Variants in TRAPPC9 observed in about 807,000 individuals in gnomAD.
The protein encoded by TRAPPC9 is trafficking protein particle complex subunit 9.
A neutral mutation model predicts 124.0 loss-of-function variants in TRAPPC9; 83 were observed. That is an observed-to-expected ratio of 0.67 (90% confidence interval 0.56 to 0.80). The LOEUF (loss-of-function observed/expected upper bound fraction) is 0.80. Among genes scored for constraint, TRAPPC9 ranks in the 30% least tolerant of loss-of-function variants. The pLI, the probability that TRAPPC9 is intolerant of heterozygous loss-of-function variation, is 0.00. For missense variants in TRAPPC9, 1,302 were observed against 1,508.3 expected (o/e 0.86, Z 2.27); for synonymous variants, 638 against 617.5 (o/e 1.03, Z -0.49).
At chr8:139,804,272 AACC>A (rs1202484720) in intron 21 of TRAPPC9, among the ~76,000 whole-genome samples, 10 of 72,810 alleles carry the variant, frequency 1.4e-4, no homozygotes, top group Non-Finnish European at 2.2e-4. Flanking sequence ...CCACACACAC[AACC>A]ACCACCACCC....
chr8:140,085,442 T>C (rs1052497439), intron 17 of TRAPPC9, among the ~76,000 whole-genome samples: 2 of 151,972 alleles, frequency 1.3e-5, no homozygotes, highest in African/African-American at 4.8e-5. Context: ...TCTTTAAATA[T>C]AAACCATCCT....
chr8:140,339,570 A>C (rs1228312917), intron 9 of TRAPPC9, among the ~76,000 whole-genome samples: 1 of 152,006 alleles, frequency 6.6e-6, no homozygotes, highest in Non-Finnish European at 1.5e-5. Context: ...TCACCTCCCA[A>C]CTCCTCATCT....
intron 19 of TRAPPC9, among the ~76,000 whole-genome samples, chr8:139,919,854 G>C (rs1832399851): frequency 6.6e-6 from 1 of 152,190 alleles, no homozygotes; most frequent in Non-Finnish European, 1.5e-5. Flanking sequence ...CGGTCTCCAT[G>C]CTCCCTGGTT....
At chr8:140,205,688 T>A (rs1303046269) in intron 17 of TRAPPC9, among the ~76,000 whole-genome samples, 1 of 152,198 alleles carries the variant, frequency 6.6e-6, no homozygotes, top group Non-Finnish European at 1.5e-5. Context: ...CTCTTAAATG[T>A]AGCTCAGCTG....
chr8:140,452,149 A>G (rs1452685003), intron 1 of TRAPPC9, among the ~76,000 whole-genome samples: 5 of 150,142 alleles, frequency 3.3e-5, no homozygotes, highest in Non-Finnish European at 5.9e-5. Context: ...GGCGGGGCGC[A>G]GTGGCTCACA....
At chr8:140,274,225 A>G (rs1007316863) in intron 15 of TRAPPC9, among the ~76,000 whole-genome samples, 25 of 152,178 alleles carry the variant, frequency 1.6e-4, no homozygotes, top group African/African-American at 6.0e-4. Flanking sequence ...AAAGGAAAAA[A>G]AAAACCCACA....
chr8:140,209,295 C>T (rs138231812), intron 17 of TRAPPC9, among the ~76,000 whole-genome samples: 187 of 152,300 alleles, frequency 1.2e-3, no homozygotes, highest in African/African-American at 4.2e-3. Context: ...CTGTTACGCC[C>T]CCAGCATTCA....
intron 16 of TRAPPC9, among the ~76,000 whole-genome samples, chr8:140,246,687 A>G (rs879085218): frequency 6.6e-6 from 1 of 152,174 alleles, no homozygotes. Context: ...GAACAGTTTA[A>G]AAATTACTTT....
chr8:140,059,032 C>T (rs997024967), intron 17 of TRAPPC9, among the ~76,000 whole-genome samples: 1 of 152,154 alleles, frequency 6.6e-6, no homozygotes, highest in Non-Finnish European at 1.5e-5. Context: ...TCAAGTTCAA[C>T]ATATTATGAC....
rs540398745 is a variant in TRAPPC9 at position 140,299,586 on chromosome 8, A to G, written c.1768+883T>C. Among the ~76,000 whole-genome samples the G allele has an allele frequency of 5.3e-5, 8 of 152,352 alleles. No homozygotes were observed. In the South Asian group the frequency reaches 1.5e-3, roughly 28 times the overall value. On this transcript the variant is annotated intron_variant, in intron 11 of 22. Coordinates refer to ENST00000438773, the MANE Select transcript of TRAPPC9 (RefSeq NM_001160372.4). ...AGCAGCGGCCAGCCTCCAGGCCCTC[A>G]AGGTTCTGTCACAGGACGTGTGGGC...
At chr8:139,854,345 C>T (rs1019934500) in intron 21 of TRAPPC9, among the ~76,000 whole-genome samples, 2 of 152,210 alleles carry the variant, frequency 1.3e-5, no homozygotes, top group East Asian at 1.9e-4. Context: ...CCATGAATGA[C>T]GCTTTTAGTA....
intron 19 of TRAPPC9, among the ~76,000 whole-genome samples, chr8:139,942,683 GA>G (rs1272653009): frequency 2.0e-5 from 3 of 152,108 alleles, no homozygotes; most frequent in Non-Finnish European, 4.4e-5. Flanking sequence ...GGCAGGAAAA[GA>G]AAAACAGACA....
chr8:140,415,145 A>G (rs2069870429), intron 5 of TRAPPC9, among the ~76,000 whole-genome samples: 3 of 152,070 alleles, frequency 2.0e-5, no homozygotes, highest in African/African-American at 7.2e-5. Flanking sequence ...CAGGAATTCT[A>G]GGCTGCAGTG....
At chr8:140,141,821 T>A (rs373541509) in intron 17 of TRAPPC9, among the ~76,000 whole-genome samples, 4 of 152,226 alleles carry the variant, frequency 2.6e-5, no homozygotes, top group Non-Finnish European at 5.9e-5. Flanking sequence ...TTTACTGTTA[T>A]ATATGTTAAG....
intron 17 of TRAPPC9, among the ~76,000 whole-genome samples, chr8:140,093,074 CTT>C (rs1272039859): frequency 2.0e-5 from 3 of 151,848 alleles, no homozygotes; most frequent in Non-Finnish European, 4.4e-5. Flanking sequence ...TCATCTTCCT[CTT>C]GTCAGCCTAC....
At chr8:139,749,334 A>G (rs951593428) in intron 21 of TRAPPC9, among the ~76,000 whole-genome samples, 1 of 152,188 alleles carries the variant, frequency 6.6e-6, no homozygotes, top group African/African-American at 2.4e-5. Context: ...ATATGAATGG[A>G]CAGACGATAA....
At chr8:140,156,940 C>T (rs865817944) in intron 17 of TRAPPC9, among the ~76,000 whole-genome samples, 2 of 141,040 alleles carry the variant, frequency 1.4e-5, no homozygotes, top group African/African-American at 5.5e-5. Flanking sequence ...AAAAGCCTCC[C>T]TTTCCATTCA....
chr8:139,885,871 G>A lies in TRAPPC9; in HGVS notation c.3055+8C>T. 1 of 1,558,070 alleles carries A rather than the reference G, an allele frequency of 6.4e-7. No homozygotes were observed. Among genetic ancestry groups the A allele is most frequent in the South Asian group, 1.2e-5 (1 of 84,436 alleles). On this transcript the variant is annotated splice_region_variant and intron_variant, in intron 21 of 22. Transcript: ENST00000438773. ...CCCAGAATCGATGGGTGGCTGGCGG[G>A]TACTCACCCCACTGCAGAGGCGCCA...
chr8:140,365,859 T>C (rs1413087144), intron 8 of TRAPPC9, among the ~76,000 whole-genome samples: 2 of 152,250 alleles, frequency 1.3e-5, no homozygotes, highest in East Asian at 3.8e-4. Context: ...TACAGATTAG[T>C]TTGTGACCCA....
Sources: gnomAD v4.1 joint callset for allele counts (sites outside exome capture counted in the v4.1 genomes callset) on GRCh38, gnomAD v4.1.1 for gene constraint, MANE v1.5 for transcripts, NCBI Gene and HGNC (gene_info 2026-07-23, HGNC 2026-07-21) for gene names.